YIPF7: variants seen among roughly 807,000 people sequenced by gnomAD.
YIPF7 encodes the protein protein YIPF7.
In YIPF7, 35 loss-of-function variants were observed where a neutral mutation model predicts 27.2. That is an observed-to-expected ratio of 1.29 (90% CI 0.98 to 1.70). YIPF7 has a LOEUF of 1.70. Ranked by LOEUF, YIPF7 falls within the 40% of genes most tolerant of loss-of-function variation. YIPF7 has a pLI of 0.00. For synonymous variants in YIPF7, 137 were observed against 110.4 expected (o/e 1.24, Z -1.51); for missense variants, 358 against 303.7 (o/e 1.18, Z -1.33).
intron 2 of YIPF7, among the ~76,000 whole-genome samples, chr4:44,640,572 C>A (rs1259944271): frequency 6.6e-6 from 1 of 152,166 alleles, no homozygotes; most frequent in Non-Finnish European, 1.5e-5. Context: ...GTGGCCTTAG[C>A]CTTGGCCAGT....
intron 3 of YIPF7, among the ~76,000 whole-genome samples, chr4:44,632,742 C>T (rs1352839949): frequency 6.6e-6 from 1 of 152,096 alleles, no homozygotes; most frequent in Non-Finnish European, 1.5e-5. Context: ...CATACCCTGG[C>T]CTTTTTCATA....
At chr4:44,636,583 G>GA (rs1460155442) in intron 2 of YIPF7, among the ~76,000 whole-genome samples, 1 of 152,044 alleles carries the variant, frequency 6.6e-6, no homozygotes, top group Admixed American at 6.6e-5. Context: ...AAGCAGCCAG[G>GA]AAAAAATATA....
At chr4:44,644,062 C>T (rs1473379630) in intron 2 of YIPF7, among the ~76,000 whole-genome samples, 1 of 152,156 alleles carries the variant, frequency 6.6e-6, no homozygotes, top group Admixed American at 6.5e-5. Flanking sequence ...AATGGTAGAT[C>T]CCCCAGAAAC....
chr4:44,635,874 T>C (rs1002190342), intron 3 of YIPF7, 48 bp downstream of exon 3: 29 of 1,592,750 alleles, frequency 1.8e-5, no homozygotes, highest in Admixed American at 1.4e-4. Flanking sequence ...TAATTATTGC[T>C]ATTATTCTTC....
chr4:44,657,919 C>T (rs1230470217), intron 2 of YIPF7, among the ~76,000 whole-genome samples: 1 of 151,988 alleles, frequency 6.6e-6, no homozygotes. Flanking sequence ...TGGAAGTTCT[C>T]AGTAATTGCT....
At chr4:44,627,863 A>T (rs77879974) in intron 4 of YIPF7, among the ~76,000 whole-genome samples, 2 of 152,134 alleles carry the variant, frequency 1.3e-5, no homozygotes, top group Admixed American at 6.5e-5. Flanking sequence ...CTTCCAGTTA[A>T]GAATTTTTTG....
chr4:44,648,805 C>T (rs1332961260), intron 2 of YIPF7, among the ~76,000 whole-genome samples: 1 of 151,834 alleles, frequency 6.6e-6, no homozygotes, highest in Non-Finnish European at 1.5e-5. Context: ...CCTTATTTTC[C>T]AGATTAAGAC....
chr4:44,644,071 A>C (rs933253519), intron 2 of YIPF7, among the ~76,000 whole-genome samples: 1 of 152,112 alleles, frequency 6.6e-6, no homozygotes, highest in African/African-American at 2.4e-5. Flanking sequence ...TCCCCCAGAA[A>C]CTTGCAACCT....
At chr4:44,636,588 A>T (rs1053185653) in intron 2 of YIPF7, among the ~76,000 whole-genome samples, 13 of 152,158 alleles carry the variant, frequency 8.5e-5, no homozygotes, top group Non-Finnish European at 4.4e-5. Context: ...GCCAGGAAAA[A>T]ATATAATTTT....
Position 44,624,601 on chromosome 4 carries a change from T to G in YIPF7, c.608A>C (p.Gln203Pro). The G allele has an allele frequency of 6.3e-7, 1 of 1,581,390 alleles. No individual in the cohort carries two copies. Among genetic ancestry groups the G allele is most frequent in the Non-Finnish European group, 8.6e-7 (1 of 1,165,070 alleles). Residue 203 changes from glutamine (Q) to proline (P), a missense_variant and splice_region_variant, in exon 5 of 6, where the codon CAG becomes CCG. Coordinates refer to ENST00000415895, the MANE Select transcript of YIPF7 (RefSeq NM_182592.3). ...TCATTGAGAGCACACAGACACTTAC[T>G]GCAGTGAAAAGAACATGGCGCAACC... is the stretch of plus-strand genomic sequence containing the variant. ...LSGCAMFFSLQGIFGIMSSLV... is the reference protein window; with the variant it reads ...LSGCAMFFSLPGIFGIMSSLV...
intron 2 of YIPF7, among the ~76,000 whole-genome samples, chr4:44,660,119 A>AAAAAAAAAAAAAAAAAAAC (rs1714005872): frequency 1.4e-5 from 2 of 144,470 alleles, no homozygotes; most frequent in Admixed American, 6.9e-5. Flanking sequence ...GTCTCAAAAA[A>AAAAAAAAAAAAAAAAAAAC]AAAAAAAAAA....
At chr4:44,654,969 G>A (rs1713850676), upstream of YIPF7, among the ~76,000 whole-genome samples, 1 of 151,892 alleles carries the variant, frequency 6.6e-6, no homozygotes, top group African/African-American at 2.4e-5. Context: ...TTAATGACTT[G>A]ACAAAACCAG....
chr4:44,659,030 C>G (rs1219619178), intron 2 of YIPF7, among the ~76,000 whole-genome samples: 2 of 152,020 alleles, frequency 1.3e-5, no homozygotes, highest in African/African-American at 2.4e-5. Flanking sequence ...TTAATCATTA[C>G]TAGTATTTAG....
chr4:44,630,456 G>T (rs576492536), intron 3 of YIPF7, among the ~76,000 whole-genome samples: 23 of 152,274 alleles, frequency 1.5e-4, no homozygotes, highest in African/African-American at 5.3e-4. Flanking sequence ...GGGGAAAAGG[G>T]CTCTTTCTGT....
chr4:44,643,266 G>A (rs879677963), intron 2 of YIPF7, among the ~76,000 whole-genome samples: 1 of 152,152 alleles, frequency 6.6e-6, no homozygotes, highest in Non-Finnish European at 1.5e-5. Context: ...CCCTTCTCTA[G>A]GGAAGTGTGA....
intron 5 of YIPF7, among the ~76,000 whole-genome samples, chr4:44,624,129 G>A (rs929289505): frequency 1.2e-4 from 18 of 149,410 alleles, no homozygotes; most frequent in Non-Finnish European, 2.2e-4. Flanking sequence ...GCAGTGGTGC[G>A]ATCTCGGCTC....
rs1022208902 is a variant in YIPF7, at chr4:44,643,890, T to C, written c.116+6095A>G. On this transcript the variant is annotated intron_variant, in intron 2 of 5. Coordinates refer to ENST00000415895, the MANE Select transcript of YIPF7 (RefSeq NM_182592.3). Reference sequence around the variant, plus strand: ...CAGAGGATTTATGGAAAAGCCTGGATGTCCAAGCAGAAGCCTGCTGCAGGG... The same window carrying C: ...CAGAGGATTTATGGAAAAGCCTGGACGTCCAAGCAGAAGCCTGCTGCAGGG... Among the ~76,000 whole-genome samples, 7 of 152,054 alleles carry C rather than the reference T, an allele frequency of 4.6e-5. No individual in the cohort carries two copies. The East Asian group carries it at 1.4e-3, about 30-fold the overall frequency.
At chr4:44,651,493 A>T in intron 1 of YIPF7, 61 bp downstream of exon 1, 1 of 1,215,280 alleles carries the variant, frequency 8.2e-7, no homozygotes, top group Non-Finnish European at 1.1e-6. Flanking sequence ...TACAGTCCTT[A>T]CATAACCGAG....
intron 2 of YIPF7, among the ~76,000 whole-genome samples, chr4:44,644,046 C>T (rs1050383509): frequency 1.3e-5 from 2 of 152,122 alleles, no homozygotes; most frequent in African/African-American, 2.4e-5. Context: ...ATCATCCAGA[C>T]CCCAGAATGG....
Sources: gnomAD v4.1 joint callset for allele counts (sites outside exome capture counted in the v4.1 genomes callset) on GRCh38, gnomAD v4.1.1 for gene constraint, MANE v1.5 for transcripts, NCBI Gene and HGNC (gene_info 2026-07-23, HGNC 2026-07-21) for gene names.